The following PALLD variants were observed in gnomAD, a reference collection of about 807,000 sequenced individuals.
PALLD encodes the protein palladin, cytoskeletal associated protein.
In PALLD, 61 loss-of-function variants were observed where a neutral mutation model predicts 123.5. The ratio of observed to expected loss-of-function variants is 0.49; its 90% CI spans 0.40 to 0.61. The LOEUF (loss-of-function observed/expected upper bound fraction) is 0.61, where lower values mean the gene tolerates loss of function less well. PALLD is among the 20% of genes least tolerant of loss of function. The probability of loss-of-function intolerance (pLI) is 0.00; values close to 1 mark genes in which losing one functional copy is unlikely to be tolerated. For synonymous variants in PALLD, 465 were observed against 496.4 expected (o/e 0.94, Z 0.84); for missense variants, 1,273 against 1,377.0 (o/e 0.92, Z 1.20).
chr4:168,594,442 AG>A (rs1368097330), intron 2 of PALLD, among the ~76,000 whole-genome samples: 2 of 152,168 alleles, frequency 1.3e-5, no homozygotes, highest in Non-Finnish European at 2.9e-5. Context: ...CAGACGCGTG[AG>A]GGGAGGTAGT....
intron 10 of PALLD, among the ~76,000 whole-genome samples, chr4:168,846,021 C>A (rs1351438770): frequency 2.6e-5 from 4 of 152,192 alleles, no homozygotes; most frequent in African/African-American, 9.6e-5. Context: ...TGGCAAGTAG[C>A]TGTTCTAGGA....
chr4:168,719,707 T>C (rs1785796774), intron 10 of PALLD, among the ~76,000 whole-genome samples: 2 of 152,150 alleles, frequency 1.3e-5, no homozygotes, highest in South Asian at 4.2e-4. Context: ...AATAGATAAT[T>C]TTTCTGATCC....
intron 10 of PALLD, among the ~76,000 whole-genome samples, chr4:168,762,110 A>C (rs757308448): frequency 8.5e-5 from 13 of 152,154 alleles, no homozygotes; most frequent in Non-Finnish European, 1.3e-4. Flanking sequence ...TGATTATTTT[A>C]AATTGCTTCA....
intron 3 of PALLD, among the ~76,000 whole-genome samples, chr4:168,679,558 T>G (rs1580923818): frequency 6.8e-6 from 1 of 147,866 alleles, no homozygotes; most frequent in African/African-American, 2.6e-5. Flanking sequence ...TGTGGTGGGG[T>G]GTGTGTGTGT....
chr4:168,735,130 T>C (rs1257632659), intron 10 of PALLD, among the ~76,000 whole-genome samples: 3 of 152,262 alleles, frequency 2.0e-5, no homozygotes, highest in South Asian at 2.1e-4. Context: ...TTGATTCTGT[T>C]TGCCCCCTAA....
At chr4:168,877,583 T>C in intron 10 of PALLD, 1 of 229,406 alleles carries the variant, frequency 4.4e-6, no homozygotes, top group Non-Finnish European at 7.8e-6. Flanking sequence ...CACTTGGGCC[T>C]GCTAACGTGT....
chr4:168,631,209 A>G (rs1371700237), intron 2 of PALLD, among the ~76,000 whole-genome samples: 4 of 152,248 alleles, frequency 2.6e-5, no homozygotes, highest in Non-Finnish European at 5.9e-5. Flanking sequence ...GATGGAGAGT[A>G]CAACTGAAAG....
rs542117032 is a variant in PALLD at position 168,826,456 on chromosome 4, C to T, written c.1965-64466C>T. On this transcript the variant is annotated intron_variant, in intron 10 of 21. Transcript: ENST00000505667. ...TCTCCGCTCCTCCCCTTACCAGCTC[C>T]GTGCCCTTGGGTAAGTTACCTAACC... Among the ~76,000 whole-genome samples, 22 of 152,296 alleles carry T rather than the reference C, an allele frequency of 1.4e-4. No homozygotes were observed. The South Asian group carries it at 1.9e-3, about 13-fold the overall frequency.
At chr4:168,778,986 C>T (rs1269192445) in intron 10 of PALLD, among the ~76,000 whole-genome samples, 3 of 152,198 alleles carry the variant, frequency 2.0e-5, no homozygotes, top group Non-Finnish European at 2.9e-5. Flanking sequence ...TAAACACTTG[C>T]TAAGAATACA....
chr4:168,670,755 ACAAAAAAAAC>A (rs1780152600), intron 3 of PALLD, among the ~76,000 whole-genome samples: 4 of 99,218 alleles, frequency 4.0e-5, no homozygotes, highest in African/African-American at 2.2e-4. Context: ...AACAAAAAAA[ACAAAAAAAAC>A]AAAAAAAAAC....
chr4:168,565,453 T>C (rs1768279927), intron 2 of PALLD, among the ~76,000 whole-genome samples: 1 of 152,024 alleles, frequency 6.6e-6, no homozygotes, highest in Admixed American at 6.5e-5. Context: ...AGGAAGGTGT[T>C]CCAGACCAAG....
intron 10 of PALLD, among the ~76,000 whole-genome samples, chr4:168,862,311 A>AT (rs11409732): frequency 0.57 from 85,004 of 148,584 alleles, 27,453 homozygotes; most frequent in East Asian, 0.88. Context: ...CACCTGGCTA[A>AT]TTTTTTTTTT....
chr4:168,718,028 A>T (rs1474875701), intron 10 of PALLD, among the ~76,000 whole-genome samples: 1 of 152,216 alleles, frequency 6.6e-6, no homozygotes, highest in South Asian at 2.1e-4. Flanking sequence ...TGTACTTGAC[A>T]TGTTAACACC....
chr4:168,909,924 T>A (rs959508987), intron 15 of PALLD, among the ~76,000 whole-genome samples: 1 of 152,192 alleles, frequency 6.6e-6, no homozygotes, highest in Non-Finnish European at 1.5e-5. Flanking sequence ...GGATGCTCTC[T>A]AAATGCTCCT....
chr4:168,816,858 GTGTGTGT>G (rs1742039072), intron 10 of PALLD, among the ~76,000 whole-genome samples: 1 of 140,414 alleles, frequency 7.1e-6, no homozygotes, highest in Non-Finnish European at 1.5e-5. Flanking sequence ...GTGTGTGTGT[GTGTGTGT>G]GTGTGTGTAG....
chr4:168,816,704 C>A (rs1742005256), intron 10 of PALLD, among the ~76,000 whole-genome samples: 1 of 152,008 alleles, frequency 6.6e-6, no homozygotes, highest in South Asian at 2.1e-4. Flanking sequence ...GCTGAAAACT[C>A]TCTGGTCCTT....
At chr4:168,713,023 T>A (rs1389042591) in intron 10 of PALLD, among the ~76,000 whole-genome samples, 2 of 152,198 alleles carry the variant, frequency 1.3e-5, no homozygotes, top group Non-Finnish European at 2.9e-5. Context: ...ACAAAAGCAG[T>A]CAAAAGAATA....
intron 10 of PALLD, among the ~76,000 whole-genome samples, chr4:168,830,170 T>TG (rs1743989234): frequency 6.8e-6 from 1 of 146,026 alleles, no homozygotes; most frequent in South Asian, 2.2e-4. Context: ...AGGTGGAGGT[T>TG]GCAGTGAGCC....
intron 10 of PALLD, among the ~76,000 whole-genome samples, chr4:168,794,762 A>G (rs949395794): frequency 6.6e-6 from 1 of 152,190 alleles, no homozygotes; most frequent in African/African-American, 2.4e-5. Context: ...AAGAATTGCC[A>G]TGTAATATCT....
Sources: allele counts gnomAD v4.1 joint callset (sites outside exome capture counted in the v4.1 genomes callset), GRCh38; gene constraint gnomAD v4.1.1; transcripts MANE v1.5; gene names NCBI Gene and HGNC (gene_info 2026-07-23, HGNC 2026-07-21).